The following PARG variants were observed in gnomAD, a reference collection of about 807,000 sequenced individuals.
PARG encodes the protein poly(ADP-ribose) glycohydrolase.
PARG carries 35 observed loss-of-function variants against 113.0 expected under a neutral mutation model. The ratio of observed to expected loss-of-function variants is 0.31; its 90% CI spans 0.24 to 0.41. PARG has a LOEUF of 0.41. Ranked by LOEUF, PARG falls within the 10% of genes least tolerant of loss-of-function variation. The pLI is 1.00. For missense variants in PARG, 797 were observed against 1,169.4 expected (o/e 0.68, Z 4.64); for synonymous variants, 330 against 409.9 (o/e 0.81, Z 2.36).
At position 49,819,214 on chromosome 10, in the gene PARG, C is replaced by T. The variant is rs1191685448; in HGVS notation, c.*126G>A. On this transcript the variant is annotated 3_prime_UTR_variant, in exon 18 of 18. Coordinates refer to ENST00000616448, the MANE Select transcript of PARG (RefSeq NM_003631.5). Reference sequence around the variant, plus strand: ...TGCACATGTGTGGAAGAGATTGCGTCCTTGACTACAAATGTGGATTATGTA... The same window carrying T: ...TGCACATGTGTGGAAGAGATTGCGTTCTTGACTACAAATGTGGATTATGTA... 5 of 746,346 alleles carry T rather than the reference C, an allele frequency of 6.7e-6. No individual in the cohort carries two copies. Among genetic ancestry groups the T allele is most frequent in the Non-Finnish European group, 1.1e-5 (5 of 463,622 alleles). 46.2% of individuals were successfully genotyped at this position (746,346 alleles called of 1,614,324 possible).
chr10:49,819,843 T>C (rs1843984033), intron 17 of PARG, among the ~76,000 whole-genome samples: 2 of 152,182 alleles, frequency 1.3e-5, no homozygotes, highest in South Asian at 4.1e-4. Context: ...AACAGGACAG[T>C]GGGGCTTCTC....
chr10:49,923,147 G>A (rs1837977021), intron 4 of PARG, among the ~76,000 whole-genome samples: 1 of 151,964 alleles, frequency 6.6e-6, no homozygotes, highest in South Asian at 2.1e-4. Context: ...TTATATGCCT[G>A]TATACATACT....
At chr10:49,839,198 G>A (rs1219015159) in intron 15 of PARG, among the ~76,000 whole-genome samples, 6 of 152,052 alleles carry the variant, frequency 3.9e-5, no homozygotes, top group African/African-American at 7.2e-5. Context: ...TTAGCCTGGC[G>A]TGGTGGTGCA....
At chr10:49,888,756 T>C (rs1218320945) in intron 7 of PARG, among the ~76,000 whole-genome samples, 2 of 152,222 alleles carry the variant, frequency 1.3e-5, no homozygotes, top group African/African-American at 2.4e-5. Flanking sequence ...TGTAGATTTA[T>C]GACTTTTGTC....
chr10:49,888,753 T>G (rs1254861899), intron 7 of PARG, among the ~76,000 whole-genome samples: 1 of 152,210 alleles, frequency 6.6e-6, no homozygotes, highest in Non-Finnish European at 1.5e-5. Context: ...ATCTGTAGAT[T>G]TATGACTTTT....
At chr10:49,851,222 TA>T (rs1362921224) in intron 13 of PARG, among the ~76,000 whole-genome samples, 2 of 149,648 alleles carry the variant, frequency 1.3e-5, no homozygotes, top group African/African-American at 2.5e-5. Context: ...ATTCGGAGAT[TA>T]AAAAAAATTC....
intron 6 of PARG, among the ~76,000 whole-genome samples, chr10:49,920,530 G>GTA (rs1331977118): frequency 7.7e-5 from 6 of 78,098 alleles, no homozygotes; most frequent in Non-Finnish European, 1.4e-4. Flanking sequence ...GTATATACAT[G>GTA]TATATATATA....
chr10:49,836,336 T>C (rs551137430), intron 15 of PARG, among the ~76,000 whole-genome samples: 1 of 138,636 alleles, frequency 7.2e-6, no homozygotes, highest in Non-Finnish European at 1.5e-5. Flanking sequence ...TTTTTTTTTT[T>C]AGCCCAGGCT....
rs373454682 is a variant in PARG at position 49,895,439 on chromosome 10, T to C, written c.1738-10144A>G. ...TTTTTTTGAGATGGAGTTTCACTCT[T>C]GTTGCCCAGGCTGGATTGCAATGGC... On this transcript the variant is annotated intron_variant, in intron 7 of 17. Coordinates refer to ENST00000616448, the MANE Select transcript of PARG (RefSeq NM_003631.5). Among the ~76,000 whole-genome samples the C allele has an allele frequency of 3.3e-5, 5 of 152,176 alleles. No homozygotes were observed. In the East Asian group the frequency reaches 7.7e-4, roughly 24 times the overall value.
intron 13 of PARG, among the ~76,000 whole-genome samples, chr10:49,851,483 C>T (rs1214500854): frequency 1.3e-5 from 2 of 151,992 alleles, no homozygotes; most frequent in Non-Finnish European, 2.9e-5. Flanking sequence ...ACCTCTAGTA[C>T]TTTAACTCTA....
chr10:49,899,400 GT>G (rs1255270094), intron 7 of PARG, among the ~76,000 whole-genome samples: 7 of 152,220 alleles, frequency 4.6e-5, no homozygotes, highest in Admixed American at 3.3e-4. Context: ...AGAGCAGAAT[GT>G]GACAGCTTAC....
intron 16 of PARG, among the ~76,000 whole-genome samples, chr10:49,825,759 A>G (rs1201725942): frequency 6.6e-6 from 1 of 152,204 alleles, no homozygotes; most frequent in Admixed American, 6.5e-5. Flanking sequence ...AGGGCAATAA[A>G]TGGAAGGGTA....
At chr10:49,913,658 T>C (rs1464929885) in intron 7 of PARG, among the ~76,000 whole-genome samples, 1 of 152,146 alleles carries the variant, frequency 6.6e-6, no homozygotes, top group African/African-American at 2.4e-5. Flanking sequence ...ATCCCAGCAC[T>C]TTGGGAGGCC....
chr10:49,920,463 A>AAAATATATATAT (rs1431747248), intron 6 of PARG, among the ~76,000 whole-genome samples: 1 of 47,986 alleles, frequency 2.1e-5, no homozygotes, highest in Non-Finnish European at 5.7e-5. Context: ...AAAAAAAAAA[A>AAAATATATATAT]ATATATATAT....
chr10:49,890,263 TGC>T lies in PARG; in HGVS notation c.1738-4970_1738-4969del, dbSNP rs1416213776. ...CAGCAAGTGTTTTGATCTGTGCGTG[TGC>T]GCGTGTGTGTGTAGCAACTTTTTAT... is the stretch of plus-strand genomic sequence containing the variant. On this transcript the variant is annotated intron_variant, in intron 7 of 17. Transcript: ENST00000616448. 2.0e-3 allele frequency among the ~76,000 whole-genome samples: 298 copies of T among 152,308 alleles called. 2 individuals are homozygous for T. Among genetic ancestry groups the T allele is most frequent in the Non-Finnish European group, 3.1e-4 (21 of 68,032 alleles).
intron 15 of PARG, among the ~76,000 whole-genome samples, chr10:49,839,433 C>T (rs545455742): frequency 1.6e-4 from 25 of 152,162 alleles, no homozygotes; most frequent in Non-Finnish European, 3.7e-4. Context: ...GCCGCCAACT[C>T]CTAATGAAAT....
chr10:49,832,380 C>T (rs1554830394), intron 16 of PARG, among the ~76,000 whole-genome samples: 1 of 152,216 alleles, frequency 6.6e-6, no homozygotes, highest in African/African-American at 2.4e-5. Context: ...ATCACATCTT[C>T]TCCATCTTTG....
Position 49,818,326 on chromosome 10 carries a change from T to C in PARG, c.*1014A>G, listed in dbSNP as rs924240618. ...TATTTAGATTTTATGTGCTCACATATAGACACACTTAAAGAGCATACGTTT... is the reference window on the plus strand; with the variant it reads ...TATTTAGATTTTATGTGCTCACATACAGACACACTTAAAGAGCATACGTTT... On this transcript the variant is annotated 3_prime_UTR_variant, in exon 18 of 18. Transcript: ENST00000616448. 2 of 152,540 alleles carry C rather than the reference T, an allele frequency of 1.3e-5. No homozygotes were observed. Among genetic ancestry groups the C allele is most frequent in the African/African-American group, 2.4e-5 (1 of 41,454 alleles). 9.4% of individuals were successfully genotyped at this position (152,540 alleles called of 1,614,324 possible). A position where few individuals can be genotyped will look rare whatever the true frequency, so the allele number is the denominator to read the frequency against.
intron 6 of PARG, among the ~76,000 whole-genome samples, chr10:49,917,950 C>T (rs1837596120): frequency 6.6e-6 from 1 of 151,076 alleles, no homozygotes; most frequent in Non-Finnish European, 1.5e-5. Flanking sequence ...AAGGAATAAA[C>T]AATGCATATA....
Sources: allele counts gnomAD v4.1 joint callset (sites outside exome capture counted in the v4.1 genomes callset), GRCh38; gene constraint gnomAD v4.1.1; transcripts MANE v1.5; gene names NCBI Gene and HGNC (gene_info 2026-07-23, HGNC 2026-07-21).